Variants in LYRM4 observed in about 807,000 individuals in gnomAD.
LYRM4 encodes LYR motif containing 4.
In LYRM4, 9 loss-of-function variants were observed where a neutral mutation model predicts 11.7. The ratio of observed to expected loss-of-function variants is 0.77; its 90% CI spans 0.46 to 1.34. The LOEUF is 1.34. Ranked by LOEUF, LYRM4 falls within the 40% of genes most tolerant of loss-of-function variation. The probability of loss-of-function intolerance (pLI) is 0.00; values close to 1 mark genes in which losing one functional copy is unlikely to be tolerated. For synonymous variants in LYRM4, 42 were observed against 40.4 expected (o/e 1.04, Z -0.15); for missense variants, 133 against 112.5 (o/e 1.18, Z -0.82).
chr6:5,049,946 G>A, the LYRM4 span, among the ~76,000 whole-genome samples: 1 of 152,340 alleles, frequency 6.6e-6, no homozygotes, highest in Non-Finnish European at 1.5e-5. Flanking sequence ...GGGATTACAG[G>A]CATAAGCCAC....
the LYRM4 span, among the ~76,000 whole-genome samples, chr6:5,081,518 T>C: frequency 6.6e-6 from 1 of 152,302 alleles, no homozygotes; most frequent in Admixed American, 6.5e-5. Context: ...TCTCTATCCC[T>C]GTTGCAGGCT....
the LYRM4 span, among the ~76,000 whole-genome samples, chr6:5,074,599 C>T: frequency 8.6e-5 from 13 of 150,642 alleles, no homozygotes; most frequent in African/African-American, 3.2e-4. Context: ...AACACTTGAA[C>T]AAGTGAGGAG....
chr6:5,038,465 C>A, the LYRM4 span, among the ~76,000 whole-genome samples: 3 of 68,498 alleles, frequency 4.4e-5, 1 homozygote, highest in African/African-American at 1.2e-4. Context: ...AGAGACGCTC[C>A]CCACTTCCCA....
chr6:5,248,748 C>G (rs1047746563), intron 1 of LYRM4, among the ~76,000 whole-genome samples: 2 of 152,238 alleles, frequency 1.3e-5, no homozygotes, highest in African/African-American at 4.8e-5. Flanking sequence ...TTCCATTTCA[C>G]TATTGGTATA....
intron 2 of LYRM4, among the ~76,000 whole-genome samples, chr6:5,115,762 C>A (rs557708042): frequency 1.3e-5 from 2 of 152,200 alleles, no homozygotes; most frequent in East Asian, 1.9e-4. Context: ...TTAAAAAAAA[C>A]CCATTCCAGT....
Position 5,109,488 on chromosome 6 carries a change from G to C in LYRM4, c.211C>G (p.His71Asp), listed in dbSNP as rs770222395. The C allele has an allele frequency of 6.2e-7, 1 of 1,613,850 alleles. No individual in the cohort carries two copies. Among genetic ancestry groups the C allele is most frequent in the South Asian group, 1.1e-5 (1 of 91,072 alleles). The change falls in exon 3 of 3, where the codon CAC becomes GAC. Residue 71 changes from histidine to aspartate, a missense_variant. Coordinates refer to ENST00000330636, the MANE Select transcript of LYRM4 (RefSeq NM_020408.6). Reference sequence around the variant, plus strand: ...TCAGTTGAATACAGTTGGCCAATGTGGACCTGAAGGCAAAGAAAGGACACA... The same window carrying C: ...TCAGTTGAATACAGTTGGCCAATGTCGACCTGAAGGCAAAGAAAGGACACA... ...RDLGVIRRQV[H>D]IGQLYSTDKL...
chr6:5,128,682 C>T (rs906436820), intron 2 of LYRM4, among the ~76,000 whole-genome samples: 3 of 152,170 alleles, frequency 2.0e-5, no homozygotes, highest in African/African-American at 7.2e-5. Flanking sequence ...TCTCTTGAAC[C>T]CTCTTACTGT....
downstream of LYRM4, among the ~76,000 whole-genome samples, chr6:5,099,711 G>A (rs112223944): frequency 2.0e-4 from 30 of 152,250 alleles, no homozygotes; most frequent in African/African-American, 6.5e-4. This position sits in a 1 kb window ranked among gnomAD's most constrained non-coding sequence, Gnocchi z 4.3. Flanking sequence ...CTGAGTTGCT[G>A]GGATTACAGG....
At chr6:5,216,792 G>A in intron 1 of LYRM4, 54 bp from the exon 2 acceptor site, 2 of 1,566,138 alleles carry the variant, frequency 1.3e-6, no homozygotes, top group Non-Finnish European at 1.7e-6. Flanking sequence ...CTGAGGCTAT[G>A]CTTTCAAATG....
the LYRM4 span, among the ~76,000 whole-genome samples, chr6:5,039,453 G>A: frequency 2.0e-5 from 3 of 152,114 alleles, no homozygotes; most frequent in African/African-American, 7.2e-5. Context: ...GGGAAGGGGT[G>A]GAATGAGGGT....
At chr6:5,094,809 G>A in the LYRM4 span, among the ~76,000 whole-genome samples, 1 of 152,184 alleles carries the variant, frequency 6.6e-6, no homozygotes, top group Non-Finnish European at 1.5e-5. Context: ...CAGAATGTAA[G>A]CGATGTAGTA....
chr6:5,099,539 A>T (rs1442436187), downstream of LYRM4, among the ~76,000 whole-genome samples: 2 of 151,666 alleles, frequency 1.3e-5, no homozygotes, highest in African/African-American at 2.4e-5. This position sits in a 1 kb window ranked among gnomAD's most constrained non-coding sequence, Gnocchi z 4.3. Flanking sequence ...ACCAATTTTG[A>T]CTCTAATGTT....
chr6:5,159,806 G>A (rs781061635), intron 2 of LYRM4, among the ~76,000 whole-genome samples: 1 of 152,168 alleles, frequency 6.6e-6, no homozygotes, highest in African/African-American at 2.4e-5. Flanking sequence ...AAAAGCATAT[G>A]AACATTGACT....
intron 1 of LYRM4, 46 bp from the exon 2 acceptor site, chr6:5,216,784 G>A: frequency 6.3e-7 from 1 of 1,577,174 alleles, no homozygotes; most frequent in Non-Finnish European, 8.5e-7. Context: ...CAGCGTGTCT[G>A]AGGCTATGCT....
chr6:5,101,082 C>A (rs149772144), downstream of LYRM4, among the ~76,000 whole-genome samples: 1 of 152,172 alleles, frequency 6.6e-6, no homozygotes, highest in Non-Finnish European at 1.5e-5. Flanking sequence ...ACATCGCTGC[C>A]GTACATCGCT....
intron 2 of LYRM4, among the ~76,000 whole-genome samples, chr6:5,119,232 C>T (rs1235219730): frequency 6.6e-6 from 1 of 152,102 alleles, no homozygotes; most frequent in Non-Finnish European, 1.5e-5. Flanking sequence ...TATCCCTGCC[C>T]ACTATCCCGT....
the LYRM4 span, among the ~76,000 whole-genome samples, chr6:5,073,661 A>G: frequency 6.6e-6 from 1 of 151,388 alleles, no homozygotes; most frequent in African/African-American, 2.4e-5. Context: ...CAGAAATCTG[A>G]TATATTCCAC....
the LYRM4 span, chr6:5,089,074 T>G: frequency 2.0e-5 from 3 of 152,200 alleles, no homozygotes; most frequent in African/African-American, 7.2e-5. Context: ...AAAAATAATT[T>G]ATTGACAGCA....
intron 2 of LYRM4, among the ~76,000 whole-genome samples, chr6:5,132,413 AAAAAAC>A (rs112742488): frequency 1.3e-5 from 2 of 152,260 alleles, no homozygotes; most frequent in Admixed American, 6.5e-5. Context: ...TAGCACTTAA[AAAAAAC>A]AAAAACAAAA....
Sources: allele counts gnomAD v4.1 joint callset (sites outside exome capture counted in the v4.1 genomes callset), GRCh38; gene constraint gnomAD v4.1.1; non-coding constraint Gnocchi (gnomAD v3.1); transcripts MANE v1.5; gene names NCBI Gene and HGNC (gene_info 2026-07-23, HGNC 2026-07-21).